Variants in RBBP8 observed in about 807,000 individuals in gnomAD.
RBBP8 encodes the protein DNA endonuclease RBBP8.
Under a neutral mutation model 108.3 loss-of-function variants are expected in RBBP8, and 88 were observed. The observed-to-expected ratio is 0.81, with a 90% confidence interval of 0.68 to 0.97. The LOEUF (loss-of-function observed/expected upper bound fraction) is 0.97. RBBP8 is among the 50% of genes least tolerant of loss of function. RBBP8 has a pLI of 0.00. For synonymous variants in RBBP8, 332 were observed against 348.2 expected (o/e 0.95, Z 0.52); for missense variants, 1,023 against 1,049.0 (o/e 0.98, Z 0.34).
rs73966429 is a variant in RBBP8, at chr18:23,024,774, T to C, written c.2597-1369T>C. ...TGTGATTGAAAAGTATAGTAGTGTT[T>C]AGAATATTTATGATTTGACTTTTTA... On this transcript the variant is annotated intron_variant, in intron 18 of 18. Transcript: ENST00000327155. 1.5e-3 allele frequency: 235 copies of C among 152,376 alleles called. 1 individual carries two copies. Among genetic ancestry groups the C allele is most frequent in the African/African-American group, 5.4e-3 (223 of 41,592 alleles). 9.4% of individuals were successfully genotyped at this position (152,376 alleles called of 1,614,324 possible). A position where few individuals can be genotyped will look rare whatever the true frequency, so the allele number is the denominator to read the frequency against.
At chr18:22,923,653 A>C (rs1215544932) in intron 3 of RBBP8, among the ~76,000 whole-genome samples, 3 of 151,936 alleles carry the variant, frequency 2.0e-5, no homozygotes, top group Admixed American at 1.3e-4. Context: ...CCAGCTCACG[A>C]CTCTTTCCAT....
At chr18:23,001,823 A>C (rs1249240466) in intron 15 of RBBP8, 94 bp downstream of exon 15, 1 of 1,460,028 alleles carries the variant, frequency 6.8e-7, no homozygotes, top group Non-Finnish European at 9.5e-7. Context: ...ATGACATATC[A>C]ACAATTGAAG....
At chr18:22,974,283 T>C (rs1914339869) in intron 5 of RBBP8, among the ~76,000 whole-genome samples, 1 of 152,128 alleles carries the variant, frequency 6.6e-6, no homozygotes, top group African/African-American at 2.4e-5. Flanking sequence ...ACAAATTAAA[T>C]AAATACAGAT....
chr18:23,011,388 T>C (rs1276049126), intron 16 of RBBP8, among the ~76,000 whole-genome samples: 1 of 152,176 alleles, frequency 6.6e-6, no homozygotes, highest in African/African-American at 2.4e-5. Flanking sequence ...TTTCAAACTT[T>C]TTCATTATTA....
chr18:23,017,786 G>A (rs1489205727), intron 17 of RBBP8, among the ~76,000 whole-genome samples: 2 of 92,128 alleles, frequency 2.2e-5, no homozygotes, highest in African/African-American at 9.1e-5. Context: ...TTGCCCTGTT[G>A]CCCAGGCTGG....
intron 14 of RBBP8, among the ~76,000 whole-genome samples, chr18:23,000,463 C>T (rs2045928285): frequency 6.6e-6 from 1 of 152,016 alleles, no homozygotes; most frequent in African/African-American, 2.4e-5. Context: ...CATGAAAGGT[C>T]GAGCACAGTG....
chr18:22,930,724 C>T (rs1909991162), upstream of RBBP8, among the ~76,000 whole-genome samples: 1 of 152,178 alleles, frequency 6.6e-6, no homozygotes, highest in African/African-American at 2.4e-5. Context: ...GTGGCAGACA[C>T]TGGGCTAGTT....
chr18:23,022,395 G>A (rs2046360617), intron 18 of RBBP8, 125 bp downstream of exon 18: 1 of 880,602 alleles, frequency 1.1e-6, no homozygotes, highest in Non-Finnish European at 1.7e-6. Context: ...GAGGTCAGGA[G>A]TTCAAGACCA....
intron 3 of RBBP8, among the ~76,000 whole-genome samples, chr18:22,923,466 T>C (rs929879983): frequency 6.6e-6 from 1 of 152,216 alleles, no homozygotes; most frequent in Admixed American, 6.5e-5. Context: ...GGCAAGCTGC[T>C]TCAAATGTCT....
At chr18:22,990,883 T>A in intron 9 of RBBP8, 54 bp from the exon 10 acceptor site, 1 of 1,368,866 alleles carries the variant, frequency 7.3e-7, no homozygotes, top group South Asian at 1.2e-5. Flanking sequence ...TCATCCCTTT[T>A]TAAGAATGAA....
chr18:22,946,204 A>T (rs1393419227), intron 2 of RBBP8: 6 of 445,320 alleles, frequency 1.3e-5, no homozygotes, highest in African/African-American at 1.2e-4. Flanking sequence ...GCTATTAGAA[A>T]AGTAATAACT....
Position 22,915,992 on chromosome 18 carries a change from T to C in RBBP8, c.-240+507T>C, listed in dbSNP as rs1358515652. On this transcript the variant is annotated intron_variant, in intron 2 of 4. Transcript: ENST00000577588. The stretch of plus-strand genomic sequence containing the variant: ...TAAGTCCTATTAGATATTACTTTCA[T>C]GTATTTTCCATAAATTTAGTCCTTT... 1.2e-4 allele frequency among the ~76,000 whole-genome samples: 18 copies of C among 152,238 alleles called. No homozygotes were observed. In the South Asian group the frequency reaches 3.3e-3, roughly 28 times the overall value.
intron 6 of RBBP8, among the ~76,000 whole-genome samples, chr18:22,980,440 A>G (rs1414468568): frequency 6.6e-6 from 1 of 152,168 alleles, no homozygotes; most frequent in Non-Finnish European, 1.5e-5. Context: ...GTATGTAGGT[A>G]TCTGGGGATG....
rs964762713 is a variant in RBBP8 at position 22,990,964 on chromosome 18, G to A, written c.835G>A (p.Gly279Ser). ...SETQGPMSPL[G>S]DELYHCLEGN... ...AACTCAAGGTCCCATGAGCCCCCTT[G>A]GTGATGAGCTCTACCACTGTCTGGA... Residue 279 changes from glycine to serine, a missense_variant, in exon 10 of 19, where the codon GGT (glycine) becomes AGT (serine). Physicochemically the swap from Gly to Ser is moderately conservative, Grantham distance 56. Transcript: ENST00000327155. 6.2e-7 allele frequency: 1 copy of A among 1,613,634 alleles called. No homozygotes were observed. Among genetic ancestry groups the A allele is most frequent in the Non-Finnish European group, 8.5e-7 (1 of 1,179,706 alleles).
chr18:22,948,897 G>A (rs1251228618), intron 3 of RBBP8, among the ~76,000 whole-genome samples: 1 of 152,036 alleles, frequency 6.6e-6, no homozygotes, highest in East Asian at 1.9e-4. Flanking sequence ...ATGATAGAGG[G>A]GTAAAATATG....
At chr18:23,022,663 T>TAAATAAAAAAAATAA (rs1555650173) in intron 18 of RBBP8, among the ~76,000 whole-genome samples, 1 of 99,744 alleles carries the variant, frequency 1.0e-5, no homozygotes, top group Non-Finnish European at 2.4e-5. Context: ...TAAAATAAAA[T>TAAATAAAAAAAATAA]AAAATAAATA....
intron 4 of RBBP8, chr18:22,950,155 C>G (rs903314797): frequency 1.9e-5 from 3 of 161,998 alleles, no homozygotes; most frequent in African/African-American, 7.2e-5. Flanking sequence ...CACTTACTTC[C>G]ATACACAGAC....
At chr18:22,978,706 CT>C (rs768579843) in intron 6 of RBBP8, among the ~76,000 whole-genome samples, 1 of 152,094 alleles carries the variant, frequency 6.6e-6, no homozygotes, top group Non-Finnish European at 1.5e-5. Context: ...TCTCATATGA[CT>C]TTAACTTACT....
At chr18:22,957,285 CTTTTTCT>C (rs1567959082) in intron 4 of RBBP8, among the ~76,000 whole-genome samples, 4 of 43,188 alleles carry the variant, frequency 9.3e-5, no homozygotes, top group Non-Finnish European at 1.9e-4. Context: ...GTTGTAATTA[CTTTTTCT>C]TTTTTTTTTT....
Sources: allele counts gnomAD v4.1 joint callset (sites outside exome capture counted in the v4.1 genomes callset), GRCh38; gene constraint gnomAD v4.1.1; transcripts MANE v1.5; gene names NCBI Gene and HGNC (gene_info 2026-07-23, HGNC 2026-07-21).